The following TIMP3 variants were observed in gnomAD, a reference collection of about 807,000 sequenced individuals.
TIMP3 encodes metalloproteinase inhibitor 3.
TIMP3 carries 11 observed loss-of-function variants against 30.0 expected under a neutral mutation model. The ratio of observed to expected loss-of-function variants is 0.37; its 90% CI spans 0.23 to 0.61. TIMP3 has a LOEUF of 0.61. Ranked by LOEUF, TIMP3 falls within the 20% of genes least tolerant of loss-of-function variation. TIMP3 has a pLI of 0.70. For synonymous variants in TIMP3, 112 were observed against 111.3 expected (o/e 1.01, Z -0.04); for missense variants, 181 against 276.8 (o/e 0.65, Z 2.45).
At chr22:32,833,702 C>T in intron 1 of TIMP3, 1 of 463,202 alleles carries the variant, frequency 2.2e-6, no homozygotes, top group Non-Finnish European at 4.3e-6. Context: ...CATGCTATGT[C>T]CACCACTTCC....
intron 2 of TIMP3, among the ~76,000 whole-genome samples, chr22:32,856,271 G>A (rs1327499033): frequency 7.2e-6 from 1 of 139,504 alleles, no homozygotes; most frequent in African/African-American, 2.8e-5. Flanking sequence ...GTGCTGGGAT[G>A]TCAGACATGT....
At chr22:32,851,888 A>G (rs1006172245) in intron 2 of TIMP3, among the ~76,000 whole-genome samples, 1 of 152,186 alleles carries the variant, frequency 6.6e-6, no homozygotes, top group African/African-American at 2.4e-5. Flanking sequence ...TCTAGGTACC[A>G]GCCTGCAAGT....
At chr22:32,847,101 G>T (rs544850199) in intron 1 of TIMP3, among the ~76,000 whole-genome samples, 1 of 152,088 alleles carries the variant, frequency 6.6e-6, no homozygotes, top group Non-Finnish European at 1.5e-5. Flanking sequence ...GCCAAGACTC[G>T]CTCCCTTGTT....
intron 1 of TIMP3, among the ~76,000 whole-genome samples, chr22:32,840,649 C>T (rs902450104): frequency 1.3e-5 from 2 of 152,108 alleles, no homozygotes; most frequent in Non-Finnish European, 2.9e-5. Flanking sequence ...CCCCCTCCGC[C>T]CCCCACCCAG....
intron 1 of TIMP3, among the ~76,000 whole-genome samples, chr22:32,828,231 G>GC (rs1386879494): frequency 1.3e-5 from 2 of 152,222 alleles, no homozygotes; most frequent in Non-Finnish European, 2.9e-5. Context: ...GAGTGTCTGT[G>GC]CTGGATTCAA....
chr22:32,834,888 A>G (rs919604431), intron 1 of TIMP3, among the ~76,000 whole-genome samples: 3 of 152,200 alleles, frequency 2.0e-5, no homozygotes, highest in Non-Finnish European at 2.9e-5. Context: ...CCTCCATTCA[A>G]GCTTATATCT....
chr22:32,811,593 T>C (rs924902986), intron 1 of TIMP3, among the ~76,000 whole-genome samples: 1 of 152,324 alleles, frequency 6.6e-6, no homozygotes, highest in South Asian at 2.1e-4. Flanking sequence ...AACAACAAAG[T>C]TCCTACTCTA....
In TIMP3 at chr22:32,841,632, T is replaced by C. The variant is rs116960929; in HGVS notation, c.122-7820T>C. 1.5e-4 allele frequency among the ~76,000 whole-genome samples: 23 copies of C among 151,376 alleles called. No individual in the cohort carries two copies. In the East Asian group the frequency reaches 4.5e-3, roughly 30 times the overall value. On this transcript the variant is annotated intron_variant, in intron 1 of 4. Transcript: ENST00000266085. The stretch of plus-strand genomic sequence containing the variant: ...TAGACTAAATGTAGACTCTGGGATA[T>C]ATAAGTAAAAAGATCATCAGGGAGG...
chr22:32,835,377 A>C (rs1250829141), intron 1 of TIMP3, among the ~76,000 whole-genome samples: 1 of 152,204 alleles, frequency 6.6e-6, no homozygotes, highest in Non-Finnish European at 1.5e-5. Flanking sequence ...AAAGAGGATG[A>C]GACATGATTC....
At chr22:32,822,583 C>T (rs181416876) in intron 1 of TIMP3, among the ~76,000 whole-genome samples, 1 of 152,246 alleles carries the variant, frequency 6.6e-6, no homozygotes, top group East Asian at 1.9e-4. Context: ...CAATGGAGTC[C>T]ATTGCTACAT....
chr22:32,845,887 C>A (rs1485276946), intron 1 of TIMP3, among the ~76,000 whole-genome samples: 1 of 152,206 alleles, frequency 6.6e-6, no homozygotes, highest in Non-Finnish European at 1.5e-5. Context: ...CTCGGGAGAA[C>A]CCTGATTGCC....
chr22:32,851,813 G>C (rs1315274203), intron 2 of TIMP3, among the ~76,000 whole-genome samples: 1 of 152,060 alleles, frequency 6.6e-6, no homozygotes, highest in Non-Finnish European at 1.5e-5. Flanking sequence ...TCCATAGAGG[G>C]TATCATGATC....
At chr22:32,829,775 G>C (rs2047521343) in intron 1 of TIMP3, among the ~76,000 whole-genome samples, 1 of 152,220 alleles carries the variant, frequency 6.6e-6, no homozygotes, top group African/African-American at 2.4e-5. Flanking sequence ...CACACCCACA[G>C]CTCCTCCAGA....
chr22:32,858,181 T>TG, intron 4 of TIMP3, 43 bp downstream of exon 4: 2 of 1,609,372 alleles, frequency 1.2e-6, no homozygotes, highest in Non-Finnish European at 1.7e-6. Flanking sequence ...AGGTGCTGAC[T>TG]TGCAGCCCTA....
In TIMP3 at chr22:32,858,035, A is replaced by G; in HGVS notation, c.335A>G (p.Lys112Arg). ...CCTGTAGGTCGCGTCTATGATGGCA[A>G]GATGTACACGGGGCTGTGCAACTTC... Reference protein sequence around the residue: ...YLLTGRVYDGKMYTGLCNFVE... With the variant: ...YLLTGRVYDGRMYTGLCNFVE... The change falls in exon 4 of 5, where the codon AAG becomes AGG. Residue 112 changes from lysine to arginine, a missense_variant. By Grantham distance (26) the Lys-to-Arg change is conservative. This residue lies in a region of TIMP3 where 63 missense variants were observed against 133.3 expected (regional missense o/e 0.47). Transcript: ENST00000266085. 6.2e-7 allele frequency: 1 copy of G among 1,614,154 alleles called. No homozygotes were observed. The highest frequency in any genetic ancestry group is 1.7e-5 in the Admixed American group (1 of 60,026).
intron 1 of TIMP3, among the ~76,000 whole-genome samples, chr22:32,828,125 C>CT (rs2047467335): frequency 2.6e-5 from 4 of 152,232 alleles, no homozygotes; most frequent in African/African-American, 9.6e-5. Context: ...ACTTGAAACT[C>CT]TAACATTTGT....
chr22:32,829,528 C>T (rs955331218), intron 1 of TIMP3, among the ~76,000 whole-genome samples: 1 of 152,262 alleles, frequency 6.6e-6, no homozygotes, highest in Non-Finnish European at 1.5e-5. Context: ...CCAGCATCCC[C>T]ACCGCAGCAG....
At chr22:32,856,518 T>G (rs1165725099) in intron 2 of TIMP3, among the ~76,000 whole-genome samples, 1 of 152,208 alleles carries the variant, frequency 6.6e-6, no homozygotes, top group Non-Finnish European at 1.5e-5. Flanking sequence ...TCCTCTCCTG[T>G]GTTCCTCTTA....
At chr22:32,832,144 A>C (rs1293717484) in intron 1 of TIMP3, among the ~76,000 whole-genome samples, 1 of 152,214 alleles carries the variant, frequency 6.6e-6, no homozygotes, top group Non-Finnish European at 1.5e-5. Flanking sequence ...TCCCAGGCTG[A>C]GAAAGAGACT....
Sources: allele counts gnomAD v4.1 joint callset (sites outside exome capture counted in the v4.1 genomes callset), GRCh38; gene constraint gnomAD v4.1.1; regional missense constraint gnomAD v4.1.1; transcripts MANE v1.5; gene names NCBI Gene and HGNC (gene_info 2026-07-23, HGNC 2026-07-21).